The following HFM1 variants were observed in gnomAD, a reference collection of about 807,000 sequenced individuals.
HFM1 encodes the protein helicase for meiosis 1, also known as probable ATP-dependent DNA helicase HFM1.
HFM1 carries 169 observed loss-of-function variants against 192.1 expected under a neutral mutation model. That is an observed-to-expected ratio of 0.88 (90% confidence interval 0.78 to 1.00). The LOEUF is 1.00. HFM1 is among the 50% of genes least tolerant of loss of function. The pLI, the probability that HFM1 is intolerant of heterozygous loss-of-function variation, is 0.00. For missense variants in HFM1, 1,661 were observed against 1,668.0 expected, an observed-to-expected ratio of 1.00 and a Z score of 0.07; for synonymous variants, 525 against 537.8, an observed-to-expected ratio of 0.98 and a Z score of 0.33.
intron 13 of HFM1, among the ~76,000 whole-genome samples, chr1:91,364,648 T>TTTTTTTTA (rs1659028926): frequency 7.1e-6 from 1 of 141,034 alleles, no homozygotes; most frequent in African/African-American, 2.6e-5. Context: ...TTTTTTTTTT[T>TTTTTTTTA]GAGACAGAGT....
chr1:91,295,397 TCCTCTCCTTGGCTTGTGAATGG>T (rs1477406573), intron 30 of HFM1, among the ~76,000 whole-genome samples: 1 of 152,172 alleles, frequency 6.6e-6, no homozygotes, highest in South Asian at 2.1e-4. Context: ...CTCCTGAGGT[TCCTCTCCTTGGCTTGTGAATGG>T]CTCTCTCTCA....
intron 23 of HFM1, among the ~76,000 whole-genome samples, chr1:91,322,718 A>G (rs1486343406): frequency 6.6e-6 from 1 of 152,230 alleles, no homozygotes; most frequent in African/African-American, 2.4e-5. Flanking sequence ...CATAAGAAGC[A>G]TGTCTTCATT....
At chr1:91,364,632 A>ATATATGTTTTTTTT (rs753472335) in intron 13 of HFM1, among the ~76,000 whole-genome samples, 3 of 66,816 alleles carry the variant, frequency 4.5e-5, no homozygotes, top group African/African-American at 1.9e-4. Flanking sequence ...ATATATATAT[A>ATATATGTTTTTTTT]TTTTTTTTTT....
At chr1:91,317,622 G>A (rs1385803331) in intron 25 of HFM1, among the ~76,000 whole-genome samples, 1 of 152,000 alleles carries the variant, frequency 6.6e-6, no homozygotes, top group African/African-American at 2.4e-5. Context: ...ATGTATTACT[G>A]GTGAAGGTAT....
intron 35 of HFM1, 26 bp from the exon 36 acceptor site, chr1:91,266,133 A>T: frequency 6.3e-7 from 1 of 1,577,878 alleles, no homozygotes; most frequent in African/African-American, 1.4e-5. Flanking sequence ...ACATTTTGAA[A>T]CAAAATGCCA....
intron 20 of HFM1, 101 bp from the exon 21 acceptor site, chr1:91,324,867 G>A: frequency 1.4e-6 from 1 of 712,682 alleles, no homozygotes; most frequent in South Asian, 1.6e-5. Context: ...AAGCAAGATG[G>A]TAGAACAGAA....
intron 13 of HFM1, among the ~76,000 whole-genome samples, chr1:91,361,062 A>G (rs1486054204): frequency 2.6e-5 from 4 of 152,084 alleles, no homozygotes; most frequent in Non-Finnish European, 5.9e-5. Context: ...AGAGAGAAAC[A>G]TATAGCACCA....
intron 6 of HFM1, among the ~76,000 whole-genome samples, chr1:91,383,720 GT>G (rs145865397): frequency 0.1 from 15,600 of 152,094 alleles, 855 homozygotes; most frequent in East Asian, 0.16. Flanking sequence ...CAAGCATTGA[GT>G]CACTAATTAT....
chr1:91,375,498 C>T, intron 12 of HFM1, 29 bp downstream of exon 12: 1 of 1,610,594 alleles, frequency 6.2e-7, no homozygotes, highest in Non-Finnish European at 8.5e-7. Context: ...ACTGAATATA[C>T]TAAAAAATAA....
In HFM1 at chr1:91,396,331, T is replaced by C. The variant is rs759954839; in HGVS notation, c.146A>G (p.Gln49Arg). 3.1e-6 allele frequency: 5 copies of C among 1,599,808 alleles called. No homozygotes were observed. The highest frequency in any genetic ancestry group is 2.1e-4 in the Middle Eastern group (1 of 4,678). Residue 49 changes from glutamine (Q) to arginine (R), a missense_variant, in exon 3 of 39, where the codon CAG becomes CGG. Physicochemically the swap from Gln to Arg is conservative, Grantham distance 43. Coordinates refer to ENST00000370425, the MANE Select transcript of HFM1 (RefSeq NM_001017975.6). Reference protein sequence around the residue: ...APLISEIPDTQELEEELESHK... With the variant: ...APLISEIPDTRELEEELESHK... The stretch of plus-strand genomic sequence containing the variant: ...ACTTTCTAATTCTTCCTCTAACTCC[T>C]GAGTATCTGGAATTTCTGAAATCAA...
chr1:91,313,894 A>T (rs1650836549), intron 29 of HFM1, 63 bp downstream of exon 29: 2 of 846,232 alleles, frequency 2.4e-6, no homozygotes, highest in Non-Finnish European at 3.8e-6. Context: ...AGCATAAAGG[A>T]TGTAATTTTT....
At chr1:91,394,769 C>A (rs1223333487) in intron 3 of HFM1, among the ~76,000 whole-genome samples, 2 of 151,828 alleles carry the variant, frequency 1.3e-5, no homozygotes, top group Non-Finnish European at 2.9e-5. Context: ...AATACAATGA[C>A]CAATTATATA....
chr1:91,292,834 G>T (rs906128909), intron 30 of HFM1, among the ~76,000 whole-genome samples: 1 of 152,048 alleles, frequency 6.6e-6, no homozygotes, highest in Non-Finnish European at 1.5e-5. Flanking sequence ...AAAACAGCAT[G>T]GTACTGGTAC....
At position 91,266,121 on chromosome 1, in the gene HFM1, T is replaced by C. The variant is rs758152479; in HGVS notation, c.3884-14A>G. 5.0e-6 allele frequency: 8 copies of C among 1,584,348 alleles called. No homozygotes were observed. The highest frequency in any genetic ancestry group is 6.8e-6 in the Non-Finnish European group (8 of 1,170,126). On this transcript the variant is annotated splice_polypyrimidine_tract_variant and intron_variant, in intron 35 of 38. Coordinates refer to ENST00000370425, the MANE Select transcript of HFM1 (RefSeq NM_001017975.6). ...TGTTTCCAAATCCTATGTGAAGAGA[T>C]AACATTTTGAAACAAAATGCCAAGA...
intron 30 of HFM1, among the ~76,000 whole-genome samples, chr1:91,296,887 C>T (rs1647681133): frequency 6.6e-6 from 1 of 152,178 alleles, no homozygotes; most frequent in African/African-American, 2.4e-5. Flanking sequence ...CAGGTGATTT[C>T]TGCATTTCTA....
In HFM1 at chr1:91,267,751, T is replaced by A; in HGVS notation, c.3877A>T (p.Ile1293Leu). 7.2e-7 allele frequency: 1 copy of A among 1,388,464 alleles called. No homozygotes were observed. The highest frequency in any genetic ancestry group is 9.9e-7 in the Non-Finnish European group (1 of 1,012,482). The allele number at this position is 1,388,464 out of a possible 1,614,324, so 86.0% of individuals were successfully genotyped here. A position where few individuals can be genotyped will look rare whatever the true frequency, so the allele number is the denominator to read the frequency against. ...ATGCTAAGTATGATTTTACCTGATATTTTTGTCTTCTCAGTATCAGTTGAA... is the reference window on the plus strand; with the variant it reads ...ATGCTAAGTATGATTTTACCTGATAATTTTGTCTTCTCAGTATCAGTTGAA... Reference protein sequence around the residue: ...SFSTDTEKTKISGFGNTLSSS... With the variant: ...SFSTDTEKTKLSGFGNTLSSS... Residue 1293 changes from isoleucine to leucine, a missense_variant, in exon 35 of 39, where the codon ATA becomes TTA. Transcript: ENST00000370425.
At chr1:91,392,104 C>T (rs1287525336) in intron 4 of HFM1, among the ~76,000 whole-genome samples, 1 of 152,108 alleles carries the variant, frequency 6.6e-6, no homozygotes, top group African/African-American at 2.4e-5. Flanking sequence ...ACAACAGGTG[C>T]TGGAGAGGAT....
chr1:91,398,133 G>A (rs1663890907), intron 2 of HFM1, among the ~76,000 whole-genome samples: 1 of 152,164 alleles, frequency 6.6e-6, no homozygotes, highest in Non-Finnish European at 1.5e-5. Flanking sequence ...GCCTTTTCAA[G>A]AACAGCAGTT....
At chr1:91,403,330 A>C (rs1038128313) in intron 1 of HFM1, among the ~76,000 whole-genome samples, 1 of 152,166 alleles carries the variant, frequency 6.6e-6, no homozygotes, top group Non-Finnish European at 1.5e-5. Flanking sequence ...TTTTCTGTTA[A>C]TTTAGAAACT....
Sources: gnomAD v4.1 joint callset for allele counts (sites outside exome capture counted in the v4.1 genomes callset) on GRCh38, gnomAD v4.1.1 for gene constraint, MANE v1.5 for transcripts, NCBI Gene and HGNC (gene_info 2026-07-23, HGNC 2026-07-21) for gene names.